Variants in MCPH1 observed in about 807,000 individuals in gnomAD.
MCPH1 encodes microcephalin 1.
Under a neutral mutation model 84.5 loss-of-function variants are expected in MCPH1, and 104 were observed. The ratio of observed to expected loss-of-function variants is 1.23; its 90% CI spans 1.05 to 1.45. MCPH1 has a LOEUF of 1.45. Among genes scored for constraint, MCPH1 ranks in the 40% most tolerant of loss-of-function variants. MCPH1 has a pLI of 0.00. For missense variants in MCPH1, 1,498 were observed against 1,005.7 expected (o/e 1.49, Z -6.62); for synonymous variants, 514 against 366.8 (o/e 1.40, Z -4.58).
At chr8:6,642,369 C>A (rs770999245) in intron 13 of MCPH1, among the ~76,000 whole-genome samples, 1 of 152,144 alleles carries the variant, frequency 6.6e-6, no homozygotes, top group Non-Finnish European at 1.5e-5. Context: ...GCTGACCCTT[C>A]AGCAGCACCT....
At chr8:6,478,731 T>A (rs73520656) in intron 10 of MCPH1, among the ~76,000 whole-genome samples, 2,471 of 150,536 alleles carry the variant, frequency 0.016, 71 homozygotes, top group African/African-American at 0.057. Flanking sequence ...TTTTACTTTT[T>A]GTTTTTGTTT....
At chr8:6,565,971 C>T (rs1323569496) in intron 12 of MCPH1, among the ~76,000 whole-genome samples, 1 of 152,078 alleles carries the variant, frequency 6.6e-6, no homozygotes, top group Non-Finnish European at 1.5e-5. Context: ...CTAGTAGAGC[C>T]GGAGTTGGCA....
chr8:6,446,385 C>T (rs1804374463), intron 8 of MCPH1: 1 of 984,796 alleles, frequency 1.0e-6, no homozygotes, highest in Admixed American at 6.2e-5. Context: ...TTTTAACTGC[C>T]TCTTTGAAGG....
intron 1 of MCPH1, among the ~76,000 whole-genome samples, chr8:6,408,773 G>A (rs2129550670): frequency 6.6e-6 from 1 of 152,238 alleles, no homozygotes; most frequent in African/African-American, 2.4e-5. Flanking sequence ...ATGTTGCCCA[G>A]GCTGGTCTCA....
intron 11 of MCPH1, among the ~76,000 whole-genome samples, chr8:6,485,187 C>T (rs759610301): frequency 4.6e-5 from 7 of 151,870 alleles, no homozygotes; most frequent in South Asian, 2.1e-4. Context: ...TAGCTGGGCA[C>T]GGTGGCAGGT....
intron 2 of MCPH1, among the ~76,000 whole-genome samples, chr8:6,411,115 T>G (rs1798476244): frequency 6.6e-6 from 1 of 151,986 alleles, no homozygotes; most frequent in Non-Finnish European, 1.5e-5. Flanking sequence ...TAGGCACTAG[T>G]AGGATCCGAT....
intron 12 of MCPH1, among the ~76,000 whole-genome samples, chr8:6,611,305 C>A (rs545675339): frequency 6.6e-6 from 1 of 152,346 alleles, no homozygotes; most frequent in South Asian, 2.1e-4. Flanking sequence ...AGCCTGCCCC[C>A]CTACCCATGC....
chr8:6,519,232 A>G (rs757811474), intron 12 of MCPH1, among the ~76,000 whole-genome samples: 54 of 152,264 alleles, frequency 3.5e-4, no homozygotes, highest in South Asian at 2.3e-3. Context: ...CCCTCAGACC[A>G]TGTCACCAAG....
intron 12 of MCPH1, among the ~76,000 whole-genome samples, chr8:6,543,070 G>A (rs958138181): frequency 2.4e-4 from 37 of 152,166 alleles, no homozygotes; most frequent in African/African-American, 8.2e-4. Flanking sequence ...TGCCCTGCCG[G>A]GTCCCACTGC....
chr8:6,412,209 A>C (rs2440444), intron 2 of MCPH1, among the ~76,000 whole-genome samples: 126,629 of 152,102 alleles, frequency 0.83, 55,878 homozygotes, highest in Non-Finnish European at 0.98. Context: ...AGACATGCCC[A>C]CTGTAATACA....
rs116934057 is a variant in MCPH1 at position 6,476,533 on chromosome 8, T to C, written c.1936-1061T>C. ...ATGTGTACTTCCTGATGGCATGAAA[T>C]TCTTAATTGTTTTGAAACCAAAGTA... On this transcript the variant is annotated intron_variant, in intron 9 of 13. Transcript: ENST00000344683. Among the ~76,000 whole-genome samples the C allele has an allele frequency of 5.5e-3, 831 of 151,562 alleles. 5 individuals carry two copies. The highest frequency in any genetic ancestry group is 8.0e-3 in the Non-Finnish European group (541 of 67,930).
Position 6,611,115 on chromosome 8 carries a change from C to A in MCPH1, c.2215-10339C>A, listed in dbSNP as rs990407347. On this transcript the variant is annotated intron_variant, in intron 12 of 13. Transcript: ENST00000344683. The stretch of plus-strand genomic sequence containing the variant: ...CTACACACACACATACACACACACT[C>A]TCTCACACACACACTCACACACACA... Among the ~76,000 whole-genome samples, 3 of 141,550 alleles carry A rather than the reference C, an allele frequency of 2.1e-5. No individual in the cohort carries two copies. The East Asian group carries it at 6.3e-4, about 30-fold the overall frequency. The allele number at this position is 141,550 out of a possible 152,430, so 92.9% of individuals were successfully genotyped here. A position where few individuals can be genotyped will look rare whatever the true frequency, so the allele number is the denominator to read the frequency against.
In MCPH1 at chr8:6,477,552, G is replaced by GA. The variant is rs111731804; in HGVS notation, c.1936-42_1936-41insA. ...TTTCTGTGGGAAAAATATTTTTTAT[G>GA]TTTTTGACTGTTTTTTGTTCCTTCT... is the stretch of plus-strand genomic sequence containing the variant. On this transcript the variant is annotated intron_variant, in intron 9 of 13. Coordinates refer to ENST00000344683, the MANE Select transcript of MCPH1 (RefSeq NM_024596.5). The GA allele has an allele frequency of 2.7e-3, 4,327 of 1,577,494 alleles. 105 individuals carry two copies. In the African/African-American group the frequency reaches 0.051, roughly 19 times the overall value.
chr8:6,438,402 C>G (rs1802989415), intron 5 of MCPH1, among the ~76,000 whole-genome samples: 1 of 152,036 alleles, frequency 6.6e-6, no homozygotes, highest in Admixed American at 6.6e-5. Flanking sequence ...TTCTGAAGGG[C>G]TCTTTGAGCA....
chr8:6,480,371 G>A (rs1031578717), intron 10 of MCPH1, among the ~76,000 whole-genome samples: 2 of 151,760 alleles, frequency 1.3e-5, no homozygotes, highest in African/African-American at 2.4e-5. Context: ...CACCCGCCTC[G>A]GCCTCCCAAA....
intron 12 of MCPH1, among the ~76,000 whole-genome samples, chr8:6,530,663 G>A (rs746073): frequency 0.7 from 105,971 of 151,946 alleles, 37,229 homozygotes; most frequent in Non-Finnish European, 0.72. Context: ...CTTATGATCC[G>A]TTATGTAAAA....
chr8:6,459,496 C>T (rs907292457), intron 9 of MCPH1, among the ~76,000 whole-genome samples: 2 of 152,032 alleles, frequency 1.3e-5, no homozygotes, highest in Admixed American at 6.6e-5. Context: ...TTTCTATTTC[C>T]TAAAGAAAAC....
intron 12 of MCPH1, among the ~76,000 whole-genome samples, chr8:6,618,090 A>G (rs1831035373): frequency 2.0e-5 from 3 of 152,346 alleles, no homozygotes; most frequent in Admixed American, 2.0e-4. Context: ...AGTTTAGAGC[A>G]CATTGCTGTA....
intron 11 of MCPH1, among the ~76,000 whole-genome samples, chr8:6,495,351 A>T (rs536148310): frequency 5.3e-5 from 8 of 152,310 alleles, no homozygotes; most frequent in African/African-American, 1.9e-4. Flanking sequence ...ATAAATCTGT[A>T]AAAAGATGGA....
Sources: allele counts gnomAD v4.1 joint callset (sites outside exome capture counted in the v4.1 genomes callset), GRCh38; gene constraint gnomAD v4.1.1; transcripts MANE v1.5; gene names NCBI Gene and HGNC (gene_info 2026-07-23, HGNC 2026-07-21).